The following CDHR4 variants were observed in gnomAD, a reference collection of about 807,000 sequenced individuals.
The protein encoded by CDHR4 is cadherin-related family member 4.
A neutral mutation model predicts 88.4 loss-of-function variants in CDHR4; 89 were observed. That is an observed-to-expected ratio of 1.01 (90% confidence interval 0.85 to 1.20). The LOEUF (loss-of-function observed/expected upper bound fraction) is 1.20. Ranked by LOEUF, CDHR4 falls within the 50% of genes most tolerant of loss-of-function variation. The pLI, the probability that CDHR4 is intolerant of heterozygous loss-of-function variation, is 0.00. For missense variants in CDHR4, 914 were observed against 1,007.2 expected (o/e 0.91, Z 1.25); for synonymous variants, 368 against 399.2 (o/e 0.92, Z 0.93).
rs2081277591 is a variant in CDHR4, at chr3:49,796,865, A to G, written c.606+57T>C. On this transcript the variant is annotated intron_variant, in intron 5 of 18. Transcript: ENST00000412678. Reference sequence around the variant, plus strand: ...GGAGGCCAAGAATAAACAAATTTCTAAAAGGTAGGCACTCTACCCAATCCA... The same window carrying G: ...GGAGGCCAAGAATAAACAAATTTCTGAAAGGTAGGCACTCTACCCAATCCA... The G allele has an allele frequency of 5.7e-6, 8 of 1,395,518 alleles. No individual in the cohort carries two copies. In the Admixed American group the frequency reaches 1.6e-4, roughly 28 times the overall value. The allele number at this position is 1,395,518 out of a possible 1,614,324, so 86.4% of individuals were successfully genotyped here. A position where few individuals can be genotyped will look rare whatever the true frequency, so the allele number is the denominator to read the frequency against.
intron 12 of CDHR4, 23 bp from the exon 13 acceptor site, chr3:49,793,334 G>T: frequency 6.5e-7 from 1 of 1,549,888 alleles, no homozygotes; most frequent in South Asian, 1.2e-5. Context: ...ACCAGGTTAG[G>T]AGTGGGTGGA....
At chr3:49,797,750 G>A (rs1204196613) in intron 4 of CDHR4, among the ~76,000 whole-genome samples, 1 of 151,944 alleles carries the variant, frequency 6.6e-6, no homozygotes, top group African/African-American at 2.4e-5. Flanking sequence ...CCAAAATGCG[G>A]GATTACAGGT....
intron 9 of CDHR4, 90 bp from the exon 10 acceptor site, chr3:49,794,791 A>T (rs2081242624): frequency 2.1e-6 from 3 of 1,424,468 alleles, no homozygotes; most frequent in Admixed American, 4.3e-5. Context: ...GCATCCACAA[A>T]TATCTTGCCT....
chr3:49,795,595 C>T lies in CDHR4; in HGVS notation c.847+33G>A, dbSNP rs2081258043. The T allele has an allele frequency of 1.3e-6, 2 of 1,551,034 alleles. No individual in the cohort carries two copies. Among genetic ancestry groups the T allele is most frequent in the Middle Eastern group, 1.7e-4 (1 of 5,910 alleles). ...CTCTGGACCAGCCACAGAGGCATCC[C>T]AGTACCTGCCCCCACCCCCCAACAC... is the stretch of plus-strand genomic sequence containing the variant. On this transcript the variant is annotated intron_variant, in intron 7 of 18. Coordinates refer to ENST00000412678, the MANE Select transcript of CDHR4 (RefSeq NM_001007540.4). This position sits in a 1 kb window ranked among gnomAD's most constrained non-coding sequence, Gnocchi z 5.4.
At chr3:49,792,059 A>T (rs2081187539) in intron 15 of CDHR4, 100 bp from the exon 16 acceptor site, 1 of 1,192,332 alleles carries the variant, frequency 8.4e-7, no homozygotes, top group Admixed American at 2.0e-5. Context: ...GGAACAACCA[A>T]TGTCTGTATG....
rs764283143 is a variant in CDHR4 at position 49,798,871 on chromosome 3, C to G, written c.450G>C (p.Arg150=). ...GGCCTGGGAGGAGCAGAGTGTACAG[C>G]CGAGCCCCAGGTGTGACTGTCTCTG... ...QVPETVTPGA[R]LYTLLLPGLE... is the part of the protein sequence containing the mutation. Residue 150 remains arginine (R), a synonymous_variant, in exon 4 of 19, where the codon CGG becomes CGC. Transcript: ENST00000412678. The G allele has an allele frequency of 1.2e-6, 2 of 1,613,900 alleles. No individual in the cohort carries two copies. Among genetic ancestry groups the G allele is most frequent in the South Asian group, 2.2e-5 (2 of 91,062 alleles).
Position 49,793,677 on chromosome 3 carries a change from A to G in CDHR4, c.1529T>C (p.Leu510Pro). The change falls in exon 12 of 19, where the codon CTG becomes CCG. Residue 510 changes from leucine to proline, a missense_variant. Transcript: ENST00000412678. ...LGPLDYEQQR[L>P]YRLTVLVIDH... is the part of the protein sequence containing the mutation. ...AATCACAAGGACAGTGAGCCTGTAC[A>G]GCCTCTGCTGCTCATAGTCCAAAGG... 6.4e-7 allele frequency: 1 copy of G among 1,551,756 alleles called. No homozygotes were observed. Among genetic ancestry groups the G allele is most frequent in the South Asian group, 1.2e-5 (1 of 84,060 alleles).
chr3:49,797,704 A>C (rs1421495047), intron 4 of CDHR4, among the ~76,000 whole-genome samples: 1 of 151,616 alleles, frequency 6.6e-6, no homozygotes, highest in Non-Finnish European at 1.5e-5. Context: ...CTGGTCACGA[A>C]CTCCTGACCT....
intron 4 of CDHR4, among the ~76,000 whole-genome samples, chr3:49,797,461 TC>T (rs1164633402): frequency 6.6e-6 from 1 of 150,844 alleles, no homozygotes; most frequent in African/African-American, 2.4e-5. Flanking sequence ...TTCCCTCCCT[TC>T]CCTTTCCTTC....
rs1375065158 is a variant in CDHR4, at chr3:49,796,995, G to A, written c.533C>T (p.Pro178Leu). The change falls in exon 5 of 19, where the codon CCT becomes CTT. Residue 178 changes from proline to leucine, a missense_variant. Coordinates refer to ENST00000412678, the MANE Select transcript of CDHR4 (RefSeq NM_001007540.4). ...IISAQDLPHF[P>L]GPFSINEQGW... ...TTGCTCATTGATGGAGAAAGGTCCAGGGAAGTGTGGCAGGTCCTGGGCACT... is the reference window on the plus strand; with the variant it reads ...TTGCTCATTGATGGAGAAAGGTCCAAGGAAGTGTGGCAGGTCCTGGGCACT... The A allele has an allele frequency of 3.2e-6, 5 of 1,551,716 alleles. No individual in the cohort carries two copies. The highest frequency in any genetic ancestry group is 2.0e-5 in the Admixed American group (1 of 51,002).
At chr3:49,797,618 A>C (rs1474370266) in intron 4 of CDHR4, among the ~76,000 whole-genome samples, 2 of 152,026 alleles carry the variant, frequency 1.3e-5, no homozygotes, top group Non-Finnish European at 2.9e-5. Context: ...AATAGCTGAG[A>C]TTACAGGTGC....
rs2081258475 is a variant in CDHR4 at position 49,795,611 on chromosome 3, C to G, written c.847+17G>C. The G allele has an allele frequency of 6.4e-7, 1 of 1,551,360 alleles. No individual in the cohort carries two copies. Among genetic ancestry groups the G allele is most frequent in the Non-Finnish European group, 8.7e-7 (1 of 1,146,918 alleles). On this transcript the variant is annotated intron_variant, in intron 7 of 18. Transcript: ENST00000412678. The surrounding 1 kb of genome is among the most constrained non-coding windows in gnomAD (Gnocchi z 5.4). ...GAGGCATCCCAGTACCTGCCCCCAC[C>G]CCCCAACACCTCTCACCACGACCAA... is the stretch of plus-strand genomic sequence containing the variant.
intron 5 of CDHR4, 51 bp downstream of exon 5, chr3:49,796,871 T>C (rs941920961): frequency 1.4e-6 from 2 of 1,426,626 alleles, no homozygotes; most frequent in African/African-American, 1.4e-5. Flanking sequence ...TTCTAAAAGG[T>C]AGGCACTCTA....
Position 49,795,564 on chromosome 3 carries a change from G to C in CDHR4, c.847+64C>G, listed in dbSNP as rs913541843. On this transcript the variant is annotated intron_variant, in intron 7 of 18. Transcript: ENST00000412678. This position sits in a 1 kb window ranked among gnomAD's most constrained non-coding sequence, Gnocchi z 5.4. Reference sequence around the variant, plus strand: ...AACAGGAAGGTGAAGAGGTACTATGGGTCACCTCTGGACCAGCCACAGAGG... The same window carrying C: ...AACAGGAAGGTGAAGAGGTACTATGCGTCACCTCTGGACCAGCCACAGAGG... 1.6e-5 allele frequency: 24 copies of C among 1,540,422 alleles called. No individual in the cohort carries two copies. The highest frequency in any genetic ancestry group is 2.0e-5 in the Admixed American group (1 of 50,446).
chr3:49,802,121 T>C (rs1331217832), upstream of CDHR4, among the ~76,000 whole-genome samples: 2 of 149,322 alleles, frequency 1.3e-5, no homozygotes, highest in African/African-American at 5.2e-5. Context: ...AGAATGTTCT[T>C]CTTCTCCTTC....
In CDHR4 at chr3:49,795,061, C is replaced by T; in HGVS notation, c.1071G>A (p.Leu357=). Residue 357 remains leucine, a synonymous_variant, in exon 9 of 19, where the codon CTG becomes CTA. Transcript: ENST00000412678. This position sits in a 1 kb window ranked among gnomAD's most constrained non-coding sequence, Gnocchi z 5.4. ...IPETAPVGTV[L]NTLTCEDPDS... ...CCGGATCTTCGCAAGTGAGAGTATT[C>T]AGCACGGTGCCCACGGGTGCAGTCT... The T allele has an allele frequency of 6.4e-7, 1 of 1,551,710 alleles. No individual in the cohort carries two copies. Among genetic ancestry groups the T allele is most frequent in the Non-Finnish European group, 8.7e-7 (1 of 1,147,008 alleles).
Position 49,792,940 on chromosome 3 carries a change from G to T in CDHR4, c.1909C>A (p.Pro637Thr), listed in dbSNP as rs1559723759. Residue 637 changes from proline to threonine, a missense_variant, in exon 14 of 19, where the codon CCC becomes ACC. Coordinates refer to ENST00000412678, the MANE Select transcript of CDHR4 (RefSeq NM_001007540.4). ...ATGGTGGCTGTGGTGCTGAGGTGGG[G>T]GGTGGAGGGGCCTGCATCGGCCACA... ...ICVADAGPST[P>T]HLSTTATIIV... The T allele has an allele frequency of 6.4e-7, 1 of 1,551,670 alleles. No homozygotes were observed. The highest frequency in any genetic ancestry group is 1.2e-5 in the South Asian group (1 of 84,052).
chr3:49,792,911 A>T lies in CDHR4; in HGVS notation c.1938T>A (p.Ile646=). The T allele has an allele frequency of 6.4e-7, 1 of 1,551,428 alleles. No homozygotes were observed. Among genetic ancestry groups the T allele is most frequent in the Non-Finnish European group, 8.7e-7 (1 of 1,146,830 alleles). ...TPHLSTTATI[I]VHLVPRRAST... ...TGGCCCTCCGGGGAACTAGATGCACAATAATGGTGGCTGTGGTGCTGAGGT... is the reference window on the plus strand; with the variant it reads ...TGGCCCTCCGGGGAACTAGATGCACTATAATGGTGGCTGTGGTGCTGAGGT... The change falls in exon 14 of 19, where the codon ATT becomes ATA. Residue 646 remains isoleucine (I), a synonymous_variant. Transcript: ENST00000412678.
chr3:49,790,866 A>C lies in CDHR4; in HGVS notation c.2333T>G (p.Phe778Cys), dbSNP rs2081166559. The C allele has an allele frequency of 6.4e-7, 1 of 1,551,278 alleles. No homozygotes were observed. Among genetic ancestry groups the C allele is most frequent in the South Asian group, 1.2e-5 (1 of 84,030 alleles). Residue 778 changes from phenylalanine to cysteine, a missense_variant, in exon 19 of 19, where the codon TTT becomes TGT. By Grantham distance (205) the Phe-to-Cys change is radical (BLOSUM62 -2). Coordinates refer to ENST00000412678, the MANE Select transcript of CDHR4 (RefSeq NM_001007540.4). ...GCGCCGGGCTCCTGTGTGTGTGTTA[A>C]ACAGGTAGTCTCTTCCGGTACCTAA... Reference protein sequence around the residue: ...QDSRTGRDYLFNTHTGARRWL With the variant: ...QDSRTGRDYLCNTHTGARRWL
Sources: allele counts gnomAD v4.1 joint callset (sites outside exome capture counted in the v4.1 genomes callset), GRCh38; gene constraint gnomAD v4.1.1; non-coding constraint Gnocchi (gnomAD v3.1); transcripts MANE v1.5; gene names NCBI Gene and HGNC (gene_info 2026-07-23, HGNC 2026-07-21).